Variants in PCDHGA7 observed in about 807,000 individuals in gnomAD.
PCDHGA7 encodes the protein protocadherin gamma subfamily A, 7, also known as protocadherin gamma-A7.
In PCDHGA7, 44 loss-of-function variants were observed where a neutral mutation model predicts 58.3. The ratio of observed to expected loss-of-function variants is 0.75; its 90% CI spans 0.59 to 0.97. The LOEUF (loss-of-function observed/expected upper bound fraction) is 0.97. Ranked by LOEUF, PCDHGA7 falls within the 50% of genes least tolerant of loss-of-function variation. The pLI, the probability that PCDHGA7 is intolerant of heterozygous loss-of-function variation, is 0.00. For synonymous variants in PCDHGA7, 516 were observed against 504.2 expected (o/e 1.02, Z -0.31); for missense variants, 1,266 against 1,188.7 (o/e 1.06, Z -0.96).
At chr5:141,428,184 C>A in intron 1 of PCDHGA7, 32 of 1,463,670 alleles carry the variant, frequency 2.2e-5, no homozygotes, top group Non-Finnish European at 3.0e-5. Context: ...GGAGGACAGC[C>A]GCCGCTCTCT....
chr5:141,501,328 CACA>C (rs2099808027), intron 2 of PCDHGA7, among the ~76,000 whole-genome samples: 1 of 151,710 alleles, frequency 6.6e-6, no homozygotes, highest in Non-Finnish European at 1.5e-5. Context: ...CACACACACA[CACA>C]CACCCCAAAC....
intron 1 of PCDHGA7, among the ~76,000 whole-genome samples, chr5:141,387,227 A>C (rs1220813655): frequency 1.3e-5 from 2 of 152,230 alleles, no homozygotes; most frequent in Non-Finnish European, 2.9e-5. Flanking sequence ...AAGTTGAAAT[A>C]AATCAACTTG....
chr5:141,489,990 A>G lies in PCDHGA7; in HGVS notation c.2425-4817A>G. ...TCCAATCCTCAGTTCTACGTGTGGG[A>G]ATCCCAGAGAATGCACCCATTGGTA... is the stretch of plus-strand genomic sequence containing the variant. On this transcript the variant is annotated intron_variant, in intron 1 of 3. Transcript: ENST00000518325. This position sits in a 1 kb window ranked among gnomAD's most constrained non-coding sequence, Gnocchi z 4.5. 6.2e-7 allele frequency: 1 copy of G among 1,614,256 alleles called. No individual in the cohort carries two copies. Among genetic ancestry groups the G allele is most frequent in the Non-Finnish European group, 8.5e-7 (1 of 1,180,030 alleles).
intron 1 of PCDHGA7, among the ~76,000 whole-genome samples, chr5:141,454,628 A>C (rs1008375225): frequency 1.3e-4 from 19 of 151,334 alleles, no homozygotes; most frequent in African/African-American, 4.4e-4. Context: ...CTGGTCTCGA[A>C]CCCCCAACCT....
chr5:141,425,881 A>C (rs911454948), intron 1 of PCDHGA7, among the ~76,000 whole-genome samples: 1 of 152,230 alleles, frequency 6.6e-6, no homozygotes, highest in African/African-American at 2.4e-5. Context: ...TCTCTAAGGA[A>C]TCTTCTTTGG....
chr5:141,413,012 A>G (rs937468289), intron 1 of PCDHGA7: 10 of 657,718 alleles, frequency 1.5e-5, no homozygotes, highest in Middle Eastern at 4.2e-4. Flanking sequence ...GGCTTCAACT[A>G]CACAAGCCCC....
chr5:141,392,896 G>A, intron 1 of PCDHGA7: 1 of 1,613,812 alleles, frequency 6.2e-7, no homozygotes, highest in Non-Finnish European at 8.5e-7. Flanking sequence ...GAAATCGGGA[G>A]GGGACAGATT....
intron 1 of PCDHGA7, chr5:141,429,167 TATAC>T (rs1240034860): frequency 7.3e-6 from 1 of 136,106 alleles, no homozygotes; most frequent in African/African-American, 2.9e-5. Flanking sequence ...AGACATTGTT[TATAC>T]ACACACACAC....
intron 1 of PCDHGA7, among the ~76,000 whole-genome samples, chr5:141,397,112 A>G (rs2093474994): frequency 6.6e-6 from 1 of 152,258 alleles, no homozygotes; most frequent in African/African-American, 2.4e-5. Flanking sequence ...GCAATCCACT[A>G]GAATATCCCT....
chr5:141,424,036 C>A, intron 1 of PCDHGA7: 1 of 1,029,606 alleles, frequency 9.7e-7, no homozygotes, highest in Non-Finnish European at 1.2e-6. Context: ...CTTTTTATTT[C>A]CATTTCAATT....
chr5:141,505,413 C>T lies in PCDHGA7; in HGVS notation c.2504C>T (p.Thr835Ile), dbSNP rs1240988786. ...CCCAGCTCCCAAAATGGCGATGACA[C>T]CGGCACCTGGCCCAACAACCAGTTT... is the stretch of plus-strand genomic sequence containing the variant. ...GTSGSQNGDD[T>I]GTWPNNQFDT... Residue 835 changes from threonine to isoleucine, a missense_variant, in exon 3 of 4, where the codon ACC becomes ATC. By Grantham distance (89) the Thr-to-Ile change is moderately conservative. Coordinates refer to ENST00000518325, the MANE Select transcript of PCDHGA7 (RefSeq NM_018920.4). 10 of 1,614,202 alleles carry T rather than the reference C, an allele frequency of 6.2e-6. No homozygotes were observed. Among genetic ancestry groups the T allele is most frequent in the Non-Finnish European group, 7.6e-6 (9 of 1,180,046 alleles).
intron 1 of PCDHGA7, among the ~76,000 whole-genome samples, chr5:141,457,319 G>A (rs914658873): frequency 7.9e-5 from 12 of 152,086 alleles, no homozygotes; most frequent in East Asian, 3.8e-4. Flanking sequence ...AGAAACCTCC[G>A]GGTTACAGGT....
intron 1 of PCDHGA7, chr5:141,421,732 C>T: frequency 6.2e-7 from 1 of 1,613,934 alleles, no homozygotes; most frequent in Non-Finnish European, 8.5e-7. Flanking sequence ...GAACTCCCTC[C>T]AGAGCTACCA....
Position 141,384,561 on chromosome 5 carries a change from C to T in PCDHGA7, c.1662C>T (p.Asp554=), listed in dbSNP as rs778010622. The part of the protein sequence containing the change: ...SNMSLSLFVL[D]QNDNPPEILY... ...TGTCACTGAGCCTGTTCGTGCTGGA[C>T]CAGAATGACAACCCGCCCGAGATCC... is the stretch of plus-strand genomic sequence containing the variant. Residue 554 remains aspartate, a synonymous_variant, in exon 1 of 4, where the codon GAC becomes GAT. Transcript: ENST00000518325. 6 of 1,614,254 alleles carry T rather than the reference C, an allele frequency of 3.7e-6. No individual in the cohort carries two copies. Among genetic ancestry groups the T allele is most frequent in the Admixed American group, 3.3e-5 (2 of 60,026 alleles).
intron 1 of PCDHGA7, among the ~76,000 whole-genome samples, chr5:141,457,900 A>C (rs2098931922): frequency 6.7e-6 from 1 of 149,818 alleles, no homozygotes; most frequent in Admixed American, 6.6e-5. Context: ...CTGTGTAGAC[A>C]AGGTGTGAGG....
rs754536860 is a variant in PCDHGA7, at chr5:141,432,221, A to G, written c.2424+46898A>G. The G allele has an allele frequency of 2.5e-6, 4 of 1,614,190 alleles. No homozygotes were observed. The South Asian group carries it at 4.4e-5, about 18-fold the overall frequency. ...CGACTGTGAAGAGAACGCCCAGATC[A>G]CTTATTCCCTGGCTGAGAACACCAT... On this transcript the variant is annotated intron_variant, in intron 1 of 3. Coordinates refer to ENST00000518325, the MANE Select transcript of PCDHGA7 (RefSeq NM_018920.4). The surrounding 1 kb of genome is among the most constrained non-coding windows in gnomAD (Gnocchi z 6.0).
intron 1 of PCDHGA7, chr5:141,478,453 C>T: frequency 6.2e-7 from 1 of 1,613,594 alleles, no homozygotes; most frequent in Non-Finnish European, 8.5e-7. Context: ...CTGGTGCAGC[C>T]AGTCCACTGG....
At chr5:141,398,612 T>G in intron 1 of PCDHGA7, 1 of 1,614,024 alleles carries the variant, frequency 6.2e-7, no homozygotes, top group Non-Finnish European at 8.5e-7. Flanking sequence ...GATGCAGATA[T>G]TGGCTTAAAC....
chr5:141,418,294 C>G, intron 1 of PCDHGA7: 1 of 1,613,988 alleles, frequency 6.2e-7, no homozygotes. Flanking sequence ...TCAGTGAATC[C>G]GTCAGCCTGG....
Sources: gnomAD v4.1 joint callset for allele counts (sites outside exome capture counted in the v4.1 genomes callset) on GRCh38, gnomAD v4.1.1 for gene constraint, Gnocchi (gnomAD v3.1) non-coding constraint, MANE v1.5 for transcripts, NCBI Gene and HGNC (gene_info 2026-07-23, HGNC 2026-07-21) for gene names.